The following SNX16 variants were observed in gnomAD, a reference collection of about 807,000 sequenced individuals.
SNX16 encodes the protein sorting nexin-16.
Under a neutral mutation model 36.7 loss-of-function variants are expected in SNX16, and 35 were observed. That is an observed-to-expected ratio of 0.95 (90% CI 0.73 to 1.27). SNX16 has a LOEUF of 1.27. Among genes scored for constraint, SNX16 ranks in the 50% most tolerant of loss-of-function variants. The probability of loss-of-function intolerance (pLI) is 0.00; values close to 1 mark genes in which losing one functional copy is unlikely to be tolerated. For synonymous variants in SNX16, 134 were observed against 132.0 expected (o/e 1.02, Z -0.10); for missense variants, 367 against 393.6 (o/e 0.93, Z 0.57).
At chr8:81,822,875 G>T (rs1386755890) in intron 4 of SNX16, among the ~76,000 whole-genome samples, 1 of 149,892 alleles carries the variant, frequency 6.7e-6, no homozygotes, top group Non-Finnish European at 1.5e-5. Flanking sequence ...GATGGGCAGA[G>T]ACCTTGAGAA....
In SNX16 at chr8:81,803,186, T is replaced by C. The variant is rs745481796; in HGVS notation, c.724A>G (p.Lys242Glu). ...TLEETNYRLQKELLEKQKEME... is the reference protein window; with the variant it reads ...TLEETNYRLQEELLEKQKEME... ...TCCTTTTGTTTTTCAAGTAGTTCTT[T>C]CTGTAAGCGGTAGTTTGTCTCTTCT... Residue 242 changes from lysine (K) to glutamate (E), a missense_variant, in exon 6 of 8, where the codon AAA becomes GAA. Lys to Glu is a moderately conservative substitution (Grantham distance 56, BLOSUM62 1). Coordinates refer to ENST00000345957, the MANE Select transcript of SNX16 (RefSeq NM_152836.3). 1.2e-6 allele frequency: 2 copies of C among 1,611,846 alleles called. No individual in the cohort carries two copies. The highest frequency in any genetic ancestry group is 2.2e-5 in the South Asian group (2 of 90,768).
chr8:81,801,640 G>T, intron 7 of SNX16, 47 bp from the exon 8 acceptor site: 1 of 1,129,610 alleles, frequency 8.9e-7, no homozygotes. Flanking sequence ...GGGACTGGAT[G>T]CATGCTATTA....
chr8:81,826,164 T>A (rs1811012323), intron 3 of SNX16, among the ~76,000 whole-genome samples: 1 of 151,898 alleles, frequency 6.6e-6, no homozygotes, highest in Non-Finnish European at 1.5e-5. Context: ...AGAAAGACAG[T>A]GAAAGGCAAT....
chr8:81,807,710 T>A, intron 5 of SNX16: 1 of 593,300 alleles, frequency 1.7e-6, no homozygotes, highest in Non-Finnish European at 3.1e-6. Context: ...GTCAGCTTGC[T>A]CCTTTCTGCC....
At chr8:81,839,474 T>C in intron 2 of SNX16, 138 bp downstream of exon 2, 1 of 900,724 alleles carries the variant, frequency 1.1e-6, no homozygotes, top group Non-Finnish European at 1.6e-6. Context: ...ATGATAGAAT[T>C]CAGTGGTGTA....
chr8:81,828,983 C>T (rs1392981492), intron 3 of SNX16, among the ~76,000 whole-genome samples: 2 of 152,146 alleles, frequency 1.3e-5, no homozygotes, highest in East Asian at 3.9e-4. Context: ...AAGTGCCCAG[C>T]CCAGCTAACA....
At chr8:81,828,310 G>C (rs912077189) in intron 3 of SNX16, among the ~76,000 whole-genome samples, 7 of 152,032 alleles carry the variant, frequency 4.6e-5, no homozygotes, top group Admixed American at 2.0e-4. Flanking sequence ...CCAACGCTGG[G>C]TATTATCATT....
rs1229374566 is a variant in SNX16, at chr8:81,812,497, C to A, written c.681+2828G>T. On this transcript the variant is annotated intron_variant, in intron 5 of 7. Coordinates refer to ENST00000345957, the MANE Select transcript of SNX16 (RefSeq NM_152836.3). ...TTTTTTTTATCAGAAATAATAGGGG[C>A]CAGAAGGCAGTGGAATGACACATTC... is the stretch of plus-strand genomic sequence containing the variant. 4.0e-5 allele frequency among the ~76,000 whole-genome samples: 6 copies of A among 151,694 alleles called. No individual in the cohort carries two copies. The East Asian group carries it at 7.7e-4, about 19-fold the overall frequency.
At chr8:81,818,812 T>A (rs984075970) in intron 4 of SNX16, among the ~76,000 whole-genome samples, 2 of 152,090 alleles carry the variant, frequency 1.3e-5, no homozygotes, top group African/African-American at 4.8e-5. Flanking sequence ...AGGGTCAGCA[T>A]TAACAAATCC....
In SNX16 at chr8:81,803,196, G is replaced by T; in HGVS notation, c.714C>A (p.Tyr238Ter). 1 of 1,610,024 alleles carries T rather than the reference G, an allele frequency of 6.2e-7. No homozygotes were observed. Among genetic ancestry groups the T allele is most frequent in the East Asian group, 2.2e-5 (1 of 44,632 alleles). ...TTTCAAGTAGTTCTTTCTGTAAGCGGTAGTTTGTCTCTTCTAAAGTTTCAC... is the reference window on the plus strand; with the variant it reads ...TTTCAAGTAGTTCTTTCTGTAAGCGTTAGTTTGTCTCTTCTAAAGTTTCAC... ...AFCETLEETN[Y>*]RLQKELLEKQ... is the part of the protein sequence containing the mutation. Residue 238 changes from tyrosine (Y) to a stop codon, truncating the protein, a stop_gained, in exon 6 of 8, where the codon TAC becomes TAA. Coordinates refer to ENST00000345957, the MANE Select transcript of SNX16 (RefSeq NM_152836.3). LOFTEE classifies it high-confidence loss of function.
chr8:81,823,019 G>A (rs1281813943), intron 4 of SNX16, among the ~76,000 whole-genome samples: 1 of 147,400 alleles, frequency 6.8e-6, no homozygotes, highest in Non-Finnish European at 1.5e-5. Flanking sequence ...TCGCACGTGT[G>A]TCATGCAGGA....
intron 2 of SNX16, among the ~76,000 whole-genome samples, chr8:81,831,748 A>C (rs1197262210): frequency 6.6e-6 from 1 of 152,002 alleles, no homozygotes; most frequent in Non-Finnish European, 1.5e-5. Flanking sequence ...CCTCATTAAA[A>C]GTAGGCAAAA....
At position 81,839,562 on chromosome 8, in the gene SNX16, T is replaced by C. The variant is rs138755914; in HGVS notation, c.375+50A>G. The stretch of plus-strand genomic sequence containing the variant: ...TTTAACACTGGTTTGAACACAGAGA[T>C]TAGCCAATCTTTCACTTTGTAGTGT... On this transcript the variant is annotated intron_variant, in intron 2 of 7. Coordinates refer to ENST00000345957, the MANE Select transcript of SNX16 (RefSeq NM_152836.3). 7.3e-5 allele frequency: 109 copies of C among 1,502,570 alleles called. No individual in the cohort carries two copies. The Admixed American group carries it at 2.2e-3, about 31-fold the overall frequency. The allele number at this position is 1,502,570 out of a possible 1,614,324, so 93.1% of individuals were successfully genotyped here.
chr8:81,801,694 AAATTTACATACTT>A, intron 7 of SNX16, 101 bp from the exon 8 acceptor site: 1 of 518,798 alleles, frequency 1.9e-6, no homozygotes, highest in Non-Finnish European at 3.1e-6. Context: ...ACCTTATAGA[AAATTTACATACTT>A]AGTGTAAAAG....
intron 2 of SNX16, among the ~76,000 whole-genome samples, chr8:81,837,521 T>G (rs1288477337): frequency 6.6e-6 from 1 of 152,158 alleles, no homozygotes; most frequent in Non-Finnish European, 1.5e-5. Context: ...AGTAACAGAT[T>G]TGGTATCTGG....
In SNX16 at chr8:81,815,389, G is replaced by A. The variant is rs1469313417; in HGVS notation, c.617C>T (p.Ala206Val). The A allele has an allele frequency of 6.2e-7, 1 of 1,610,216 alleles. No individual in the cohort carries two copies. Residue 206 changes from alanine (A) to valine (V), a missense_variant, in exon 5 of 8, where the codon GCA becomes GTA. Transcript: ENST00000345957. ...VAHKDIANCL[A>V]VREFLCLDDP... Reference sequence around the variant, plus strand: ...ATCCAAACAAAGAAATTCTCTCACTGCAAGGCTTTTCAAAGGAAAAAAAAA... The same window carrying A: ...ATCCAAACAAAGAAATTCTCTCACTACAAGGCTTTTCAAAGGAAAAAAAAA...
chr8:81,819,953 T>TA (rs1225948458), intron 4 of SNX16, among the ~76,000 whole-genome samples: 1 of 152,072 alleles, frequency 6.6e-6, no homozygotes, highest in African/African-American at 2.4e-5. Flanking sequence ...GGTTAAGAAC[T>TA]AGCCTTGTTG....
intron 7 of SNX16, among the ~76,000 whole-genome samples, 190 bp from the exon 8 acceptor site, chr8:81,801,783 G>A (rs186186272): frequency 2.7e-4 from 41 of 151,720 alleles, no homozygotes; most frequent in Admixed American, 1.6e-3. Context: ...TCATTGCCAA[G>A]TAAGACCTTT....
At chr8:81,824,950 C>G (rs1449266571) in intron 3 of SNX16, among the ~76,000 whole-genome samples, 2 of 152,180 alleles carry the variant, frequency 1.3e-5, no homozygotes, top group African/African-American at 4.8e-5. Flanking sequence ...ATGCTGGCTG[C>G]TGGCTGAGAA....
Sources: gnomAD v4.1 joint callset for allele counts (sites outside exome capture counted in the v4.1 genomes callset) on GRCh38, gnomAD v4.1.1 for gene constraint, MANE v1.5 for transcripts, NCBI Gene and HGNC (gene_info 2026-07-23, HGNC 2026-07-21) for gene names.